Variants in NT5C1A observed in about 807,000 individuals in gnomAD.
The protein encoded by NT5C1A is 5'-nucleotidase, cytosolic IA.
NT5C1A carries 18 observed loss-of-function variants against 31.0 expected under a neutral mutation model. The ratio of observed to expected loss-of-function variants is 0.58; its 90% CI spans 0.40 to 0.86. The LOEUF is 0.86. Ranked by LOEUF, NT5C1A falls within the 40% of genes least tolerant of loss-of-function variation. The probability of loss-of-function intolerance (pLI) is 0.00; values close to 1 mark genes in which losing one functional copy is unlikely to be tolerated. For missense variants in NT5C1A, 470 were observed against 505.4 expected (o/e 0.93, Z 0.67); for synonymous variants, 185 against 203.6 (o/e 0.91, Z 0.78).
intron 4 of NT5C1A, 148 bp from the exon 5 acceptor site, chr1:39,661,411 G>A (rs770797892): frequency 6.0e-6 from 3 of 496,300 alleles, no homozygotes; most frequent in Admixed American, 6.0e-5. Flanking sequence ...GTAAAAACTG[G>A]TAGTGCATGG....
At position 39,666,130 on chromosome 1, in the gene NT5C1A, C is replaced by T. The variant is rs772277813; in HGVS notation, c.242G>A (p.Arg81His). The change falls in exon 2 of 6, where the codon CGC (arginine) becomes CAC (histidine). Residue 81 changes from arginine to histidine, a missense_variant. Transcript: ENST00000235628. Reference sequence around the variant, plus strand: ...TTCGTTCTCATGTTCCAGCTGGTAGCGCACGTACTCCTCCACGCCCTGCTC... The same window carrying T: ...TTCGTTCTCATGTTCCAGCTGGTAGTGCACGTACTCCTCCACGCCCTGCTC... ...YTEQGVEEYVRYQLEHENEPF... is the reference protein window; with the variant it reads ...YTEQGVEEYVHYQLEHENEPF... 8.1e-6 allele frequency: 13 copies of T among 1,613,530 alleles called. No individual in the cohort carries two copies. The highest frequency in any genetic ancestry group is 4.5e-5 in the East Asian group (2 of 44,900).
At position 39,651,260 on chromosome 1, in the gene NT5C1A, G is replaced by A. The variant is rs550799077; in HGVS notation, c.*7861C>T. Among the ~76,000 whole-genome samples, 3 of 152,326 alleles carry A rather than the reference G, an allele frequency of 2.0e-5. No individual in the cohort carries two copies. Among genetic ancestry groups the A allele is most frequent in the East Asian group, 3.9e-4 (2 of 5,190 alleles). On this transcript the variant is annotated 3_prime_UTR_variant, in exon 6 of 6. Coordinates refer to ENST00000235628, the MANE Select transcript of NT5C1A (RefSeq NM_032526.3). ...AAAACCCTCTCCATTTATTTGAATG[G>A]CTTTTAAGAAGCAGAAGCACATGTG...
chr1:39,666,831 A>C (rs754092644), intron 1 of NT5C1A, among the ~76,000 whole-genome samples: 1 of 152,130 alleles, frequency 6.6e-6, no homozygotes, highest in Non-Finnish European at 1.5e-5. Context: ...GCTTAGAACC[A>C]CTATCCACTC....
Position 39,653,368 on chromosome 1 carries a change from C to T in NT5C1A, c.*5753G>A, listed in dbSNP as rs562684649. Reference sequence around the variant, plus strand: ...GTTAACAGAGATAACCATCTGTACACATAGTGAGTACACACACACACACAG... The same window carrying T: ...GTTAACAGAGATAACCATCTGTACATATAGTGAGTACACACACACACACAG... On this transcript the variant is annotated 3_prime_UTR_variant, in exon 6 of 6. Coordinates refer to ENST00000235628, the MANE Select transcript of NT5C1A (RefSeq NM_032526.3). 6.6e-6 allele frequency among the ~76,000 whole-genome samples: 1 copy of T among 152,194 alleles called. No individual in the cohort carries two copies. Among genetic ancestry groups the T allele is most frequent in the African/African-American group, 2.4e-5 (1 of 41,512 alleles).
Position 39,672,014 on chromosome 1 carries a change from G to C in NT5C1A, c.25C>G (p.Pro9Ala), listed in dbSNP as rs568172312. 28 of 1,604,038 alleles carry C rather than the reference G, an allele frequency of 1.7e-5. No homozygotes were observed. The highest frequency in any genetic ancestry group is 2.3e-5 in the Non-Finnish European group (27 of 1,178,954). Residue 9 changes from proline (P) to alanine (A), a missense_variant, in exon 1 of 6, where the codon CCC becomes GCC. Transcript: ENST00000235628. The stretch of plus-strand genomic sequence containing the variant: ...GGCCCGGGCTCGCGGGGCTCCTGGG[G>C]CTCCCGGGGCTGCCCAGGTTCCATG... Reference protein sequence around the residue: MEPGQPREPQEPREPGPGA... With the variant: MEPGQPREAQEPREPGPGA...
Position 39,663,361 on chromosome 1 carries a change from G to A in NT5C1A, c.507C>T (p.Asn169=). The A allele has an allele frequency of 6.2e-7, 1 of 1,614,142 alleles. No homozygotes were observed. Among genetic ancestry groups the A allele is most frequent in the Non-Finnish European group, 8.5e-7 (1 of 1,180,024 alleles). ...TTTCCGCATCGGCTGACAAGTAGAG[G>A]TTGGTGTGATAGGCCTTGAGGTAGC... is the stretch of plus-strand genomic sequence containing the variant. ...PICYLKAYHT[N]LYLSADAEKV... The change falls in exon 4 of 6, where the codon AAC becomes AAT. Residue 169 remains asparagine, a synonymous_variant. Coordinates refer to ENST00000235628, the MANE Select transcript of NT5C1A (RefSeq NM_032526.3).
Position 39,652,264 on chromosome 1 carries a change from A to G in NT5C1A, c.*6857T>C, listed in dbSNP as rs534169879. 2.0e-5 allele frequency among the ~76,000 whole-genome samples: 3 copies of G among 152,098 alleles called. No individual in the cohort carries two copies. Among genetic ancestry groups the G allele is most frequent in the Admixed American group, 1.3e-4 (2 of 15,270 alleles). ...TCAAGGGCCGGATCTCGCCTACAGAATATGTTTTATTTGGCCCAGATGGTG... is the reference window on the plus strand; with the variant it reads ...TCAAGGGCCGGATCTCGCCTACAGAGTATGTTTTATTTGGCCCAGATGGTG... On this transcript the variant is annotated 3_prime_UTR_variant, in exon 6 of 6. Coordinates refer to ENST00000235628, the MANE Select transcript of NT5C1A (RefSeq NM_032526.3).
Position 39,656,170 on chromosome 1 carries a change from G to C in NT5C1A, c.*2951C>G, listed in dbSNP as rs936170236. Among the ~76,000 whole-genome samples, 6 of 152,204 alleles carry C rather than the reference G, an allele frequency of 3.9e-5. No individual in the cohort carries two copies. Among genetic ancestry groups the C allele is most frequent in the Non-Finnish European group, 8.8e-5 (6 of 68,042 alleles). Reference sequence around the variant, plus strand: ...CCAGTGTTCTGCAGGGCTTGTTGGGGAAGTGGTGCTCTCAGCTAAAGGGGT... The same window carrying C: ...CCAGTGTTCTGCAGGGCTTGTTGGGCAAGTGGTGCTCTCAGCTAAAGGGGT... On this transcript the variant is annotated 3_prime_UTR_variant, in exon 6 of 6. Coordinates refer to ENST00000235628, the MANE Select transcript of NT5C1A (RefSeq NM_032526.3).
rs1358045203 is a variant in NT5C1A at position 39,653,772 on chromosome 1, G to C, written c.*5349C>G. Among the ~76,000 whole-genome samples the C allele has an allele frequency of 2.0e-5, 3 of 152,170 alleles. No homozygotes were observed. The highest frequency in any genetic ancestry group is 4.4e-5 in the Non-Finnish European group (3 of 68,028). ...TAAGACTAGATAAAACCCGTGATCT[G>C]GGAAGCCGCCAGCCACACGATGCTA... On this transcript the variant is annotated 3_prime_UTR_variant, in exon 6 of 6. Coordinates refer to ENST00000235628, the MANE Select transcript of NT5C1A (RefSeq NM_032526.3).
intron 1 of NT5C1A, among the ~76,000 whole-genome samples, chr1:39,667,161 C>G (rs1196319942): frequency 2.0e-5 from 3 of 151,816 alleles, no homozygotes; most frequent in Non-Finnish European, 4.4e-5. Context: ...TTTGCCCCAC[C>G]TGGGCTTTCT....
rs1557742791 is a variant in NT5C1A at position 39,653,232 on chromosome 1, G to A, written c.*5889C>T. On this transcript the variant is annotated 3_prime_UTR_variant, in exon 6 of 6. Transcript: ENST00000235628. ...AAGACTTTCTTGGCCAGAGGTTGGG[G>A]GCTGGTCTCGGTGGCCCCCAAGCTG... is the stretch of plus-strand genomic sequence containing the variant. 6.6e-6 allele frequency among the ~76,000 whole-genome samples: 1 copy of A among 152,004 alleles called. No individual in the cohort carries two copies. The highest frequency in any genetic ancestry group is 1.5e-5 in the Non-Finnish European group (1 of 68,004).
rs778462561 is a variant in NT5C1A, at chr1:39,655,960, T to C, written c.*3161A>G. ...TCCATCTTGGCTTTGAACTTCTTGC[T>C]AGTTTCTATTTTTTTCTGGCACATT... On this transcript the variant is annotated 3_prime_UTR_variant, in exon 6 of 6. Transcript: ENST00000235628. 1.3e-5 allele frequency among the ~76,000 whole-genome samples: 2 copies of C among 152,212 alleles called. No individual in the cohort carries two copies. Among genetic ancestry groups the C allele is most frequent in the Non-Finnish European group, 2.9e-5 (2 of 68,044 alleles).
chr1:39,666,134 C>A lies in NT5C1A; in HGVS notation c.238G>T (p.Val80Leu). 4 of 1,613,648 alleles carry A rather than the reference C, an allele frequency of 2.5e-6. No homozygotes were observed. The highest frequency in any genetic ancestry group is 3.4e-6 in the Non-Finnish European group (4 of 1,180,008). ...TTCTCATGTTCCAGCTGGTAGCGCA[C>A]GTACTCCTCCACGCCCTGCTCCGTG... ...IYTEQGVEEYVRYQLEHENEP... is the reference protein window; with the variant it reads ...IYTEQGVEEYLRYQLEHENEP... The change falls in exon 2 of 6, where the codon GTG becomes TTG. Residue 80 changes from valine (V) to leucine (L), a missense_variant. Coordinates refer to ENST00000235628, the MANE Select transcript of NT5C1A (RefSeq NM_032526.3).
At position 39,654,037 on chromosome 1, in the gene NT5C1A, AAGAGT is replaced by A. The variant is rs60547122; in HGVS notation, c.*5079_*5083del. Among the ~76,000 whole-genome samples, 4,377 of 152,226 alleles carry A rather than the reference AAGAGT, an allele frequency of 0.029. 212 individuals are homozygous for A. Among genetic ancestry groups the A allele is most frequent in the African/African-American group, 0.098 (4,057 of 41,496 alleles). On this transcript the variant is annotated 3_prime_UTR_variant, in exon 6 of 6. Coordinates refer to ENST00000235628, the MANE Select transcript of NT5C1A (RefSeq NM_032526.3). ...GAGACCCAGTCTGGGCTTAGTGGAGAAGAGTATCATGATGGCATAGCGACAGCAAT... is the reference window on the plus strand; with the variant it reads ...GAGACCCAGTCTGGGCTTAGTGGAGAATCATGATGGCATAGCGACAGCAAT...
At chr1:39,662,586 A>G (rs1461845415) in intron 4 of NT5C1A, among the ~76,000 whole-genome samples, 2 of 152,198 alleles carry the variant, frequency 1.3e-5, no homozygotes, top group Non-Finnish European at 2.9e-5. Flanking sequence ...AGGAGACAAC[A>G]TGAAAGAGGA....
At chr1:39,667,149 G>C (rs548835105) in intron 1 of NT5C1A, among the ~76,000 whole-genome samples, 103 of 150,142 alleles carry the variant, frequency 6.9e-4, no homozygotes, top group Admixed American at 3.5e-3. Flanking sequence ...CAATCCCCTA[G>C]CTTTGCCCCA....
chr1:39,663,705 GGCCATAGCT>G (rs60321071), intron 3 of NT5C1A, among the ~76,000 whole-genome samples: 124,382 of 151,562 alleles, frequency 0.82, 51,562 homozygotes, highest in African/African-American at 0.95. Context: ...CCCGCCTCCT[GGCCATAGCT>G]GCCATAGCTG....
chr1:39,652,811 C>T lies in NT5C1A; in HGVS notation c.*6310G>A, dbSNP rs941539972. On this transcript the variant is annotated 3_prime_UTR_variant, in exon 6 of 6. Transcript: ENST00000235628. ...GGGATGGCCCATCAGGGAGATACTT[C>T]CCAATTAAGGTCAATGGTAAGTCAC... Among the ~76,000 whole-genome samples the T allele has an allele frequency of 3.3e-5, 5 of 151,948 alleles. No individual in the cohort carries two copies. The highest frequency in any genetic ancestry group is 7.3e-5 in the African/African-American group (3 of 41,326).
At position 39,665,611 on chromosome 1, in the gene NT5C1A, G is replaced by T. The variant is rs748826686; in HGVS notation, c.343C>A (p.Pro115Thr). The change falls in exon 3 of 6, where the codon CCT becomes ACT. Residue 115 changes from proline to threonine, a missense_variant. Transcript: ENST00000235628. Reference protein sequence around the residue: ...AVNRRLRELYPDSEDVFDIVL... With the variant: ...AVNRRLRELYTDSEDVFDIVL... ...ATGTCGAAGACGTCCTCACTATCAGGGTACAGCTCCCGCAGCCGCCTGTTC... is the reference window on the plus strand; with the variant it reads ...ATGTCGAAGACGTCCTCACTATCAGTGTACAGCTCCCGCAGCCGCCTGTTC... 1 of 1,613,352 alleles carries T rather than the reference G, an allele frequency of 6.2e-7. No homozygotes were observed. The highest frequency in any genetic ancestry group is 8.5e-7 in the Non-Finnish European group (1 of 1,179,922).
Sources: gnomAD v4.1 joint callset for allele counts (sites outside exome capture counted in the v4.1 genomes callset) on GRCh38, gnomAD v4.1.1 for gene constraint, MANE v1.5 for transcripts, NCBI Gene and HGNC (gene_info 2026-07-23, HGNC 2026-07-21) for gene names.